The following NIBAN3 variants were observed in gnomAD, a reference collection of about 807,000 sequenced individuals.
The protein encoded by NIBAN3 is niban apoptosis regulator 3.
A neutral mutation model predicts 76.4 loss-of-function variants in NIBAN3; 66 were observed. The ratio of observed to expected loss-of-function variants is 0.86; its 90% CI spans 0.71 to 1.06. The LOEUF (loss-of-function observed/expected upper bound fraction) is 1.06. NIBAN3 is among the 50% of genes least tolerant of loss of function. The pLI is 0.00. For missense variants in NIBAN3, 808 were observed against 810.7 expected, an observed-to-expected ratio of 1.00 and a Z score of 0.04; for synonymous variants, 360 against 355.2, an observed-to-expected ratio of 1.01 and a Z score of -0.15.
At chr19:17,538,773 G>A (rs367793845) in intron 5 of NIBAN3, among the ~76,000 whole-genome samples, 1 of 150,148 alleles carries the variant, frequency 6.7e-6, no homozygotes, top group South Asian at 2.1e-4. Flanking sequence ...AGGGAGGGAG[G>A]GAAAGGAAGG....
At chr19:17,550,303 C>G (rs2076134109) in intron 14 of NIBAN3, among the ~76,000 whole-genome samples, 1 of 152,104 alleles carries the variant, frequency 6.6e-6, no homozygotes. Flanking sequence ...AATACACTTC[C>G]TAGCTGATCT....
chr19:17,533,418 A>G (rs1255431943), intron 3 of NIBAN3, 169 bp from the exon 4 acceptor site: 1 of 47,336 alleles, frequency 2.1e-5, no homozygotes, highest in African/African-American at 6.7e-4. Flanking sequence ...TCAAAAACAA[A>G]AAAAAAAAAA....
intron 1 of NIBAN3, among the ~76,000 whole-genome samples, chr19:17,529,646 G>C (rs1202485532): frequency 6.6e-6 from 1 of 152,156 alleles, no homozygotes; most frequent in African/African-American, 2.4e-5. Flanking sequence ...CTTTTGAAAA[G>C]CTCCCCAGGT....
downstream of NIBAN3, among the ~76,000 whole-genome samples, chr19:17,555,111 G>A (rs148683199): frequency 6.6e-6 from 1 of 152,180 alleles, no homozygotes; most frequent in Non-Finnish European, 1.5e-5. Flanking sequence ...ACCCTATAGG[G>A]TCTCTATGAT....
Position 17,542,345 on chromosome 19 carries a change from A to C in NIBAN3, c.1329+51A>C, listed in dbSNP as rs747255919. The C allele has an allele frequency of 6.5e-7, 1 of 1,531,610 alleles. No individual in the cohort carries two copies. Among genetic ancestry groups the C allele is most frequent in the Admixed American group, 2.0e-5 (1 of 49,686 alleles). 94.9% of individuals were successfully genotyped at this position (1,531,610 alleles called of 1,614,324 possible). On this transcript the variant is annotated intron_variant, in intron 10 of 14. Coordinates refer to ENST00000599164, the MANE Select transcript of NIBAN3 (RefSeq NM_001321827.2). The surrounding 1 kb of genome is among the most constrained non-coding windows in gnomAD (Gnocchi z 4.8). ...AGGCCAGGCTGTGAAGACAGCCTCCACTGACCTCCTGCTAAGTGTGCCCTG... is the reference window on the plus strand; with the variant it reads ...AGGCCAGGCTGTGAAGACAGCCTCCCCTGACCTCCTGCTAAGTGTGCCCTG...
intron 13 of NIBAN3, among the ~76,000 whole-genome samples, chr19:17,548,918 T>G (rs971152195): frequency 6.7e-6 from 1 of 149,664 alleles, no homozygotes; most frequent in Non-Finnish European, 1.5e-5. Context: ...AGAGCGAGAC[T>G]CCATCTCAAA....
chr19:17,540,723 GCA>G (rs1194061177), intron 9 of NIBAN3, 141 bp downstream of exon 9: 3 of 592,962 alleles, frequency 5.1e-6, no homozygotes, highest in Non-Finnish European at 7.7e-6. Context: ...GGTCAGTGGA[GCA>G]CAGTTTTTGT....
chr19:17,540,440 C>T lies in NIBAN3; in HGVS notation c.1028C>T (p.Pro343Leu). The change falls in exon 9 of 15, where the codon CCG (proline) becomes CTG (leucine). Residue 343 changes from proline (P) to leucine (L), a missense_variant. Transcript: ENST00000599164. ...TCGTGCCTGCGCCGGGAGGTGGACC[C>T]GCAGCTGCCCCGGGTCGTGCAGACC... ...LESCLRREVD[P>L]QLPRVVQTLL... 1.3e-6 allele frequency: 2 copies of T among 1,545,634 alleles called. No individual in the cohort carries two copies. Among genetic ancestry groups the T allele is most frequent in the East Asian group, 2.4e-5 (1 of 41,110 alleles).
chr19:17,527,229 T>G (rs1365303231), upstream of NIBAN3: 1 of 1,548,336 alleles, frequency 6.5e-7, no homozygotes, highest in South Asian at 1.2e-5. Flanking sequence ...GGGCGGGGCC[T>G]CTGAACCCAC....
In NIBAN3 at chr19:17,543,531, A is replaced by G. The variant is rs933036850; in HGVS notation, c.1454A>G (p.Lys485Arg). 2.5e-6 allele frequency: 4 copies of G among 1,613,992 alleles called. No individual in the cohort carries two copies. The highest frequency in any genetic ancestry group is 3.3e-5 in the Admixed American group (2 of 59,970). The change falls in exon 12 of 15, where the codon AAA becomes AGA. Residue 485 changes from lysine (K) to arginine (R), a missense_variant. Transcript: ENST00000599164. ...GCTGGGTGTGTTGTGCAGAAATTCA[A>G]ATCGGACAGCGGGTTGGCGCAGAGG... is the stretch of plus-strand genomic sequence containing the variant. ...RVRGRVLKKF[K>R]SDSGLAQRRF... is the part of the protein sequence containing the mutation.
intron 4 of NIBAN3, among the ~76,000 whole-genome samples, chr19:17,535,183 A>G (rs1455380295): frequency 6.6e-6 from 1 of 152,206 alleles, no homozygotes; most frequent in Non-Finnish European, 1.5e-5. Context: ...ATATGCCTGT[A>G]GTCCCAGGTA....
Position 17,539,183 on chromosome 19 carries a change from C to A in NIBAN3, c.629C>A (p.Ala210Asp), listed in dbSNP as rs1162036674. 3.7e-6 allele frequency: 6 copies of A among 1,603,876 alleles called. No individual in the cohort carries two copies. Among genetic ancestry groups the A allele is most frequent in the East Asian group, 2.3e-5 (1 of 44,438 alleles). The stretch of plus-strand genomic sequence containing the variant: ...CGAAGCCAGGCCCCTGCTGCCCGGG[C>A]CTTCCTGGACGCCGTCCGACTCTAC... Reference protein sequence around the residue: ...LQRSQAPAARAFLDAVRLYRQ... With the variant: ...LQRSQAPAARDFLDAVRLYRQ... The change falls in exon 6 of 15, where the codon GCC (alanine) becomes GAC (aspartate). Residue 210 changes from alanine (A) to aspartate (D), a missense_variant. Ala to Asp is a moderately radical substitution (Grantham distance 126). Coordinates refer to ENST00000599164, the MANE Select transcript of NIBAN3 (RefSeq NM_001321827.2).
downstream of NIBAN3, among the ~76,000 whole-genome samples, chr19:17,554,468 A>T (rs534329247): frequency 2.6e-5 from 4 of 151,604 alleles, no homozygotes; most frequent in Non-Finnish European, 5.9e-5. Flanking sequence ...AGCCTGAGCC[A>T]CAGAGTAAGA....
At position 17,552,014 on chromosome 19, in the gene NIBAN3, G is replaced by A. The variant is rs1479599978; in HGVS notation, c.*116G>A. On this transcript the variant is annotated 3_prime_UTR_variant, in exon 15 of 15. Transcript: ENST00000599164. The stretch of plus-strand genomic sequence containing the variant: ...GTAACCCCTGCAACTTCAGAAAACT[G>A]TACCATTTTATACTCCAAGCAGCAG... The A allele has an allele frequency of 3.6e-6, 2 of 551,872 alleles. No homozygotes were observed. The highest frequency in any genetic ancestry group is 3.4e-6 in the Non-Finnish European group (1 of 297,862). 34.2% of individuals were successfully genotyped at this position (551,872 alleles called of 1,614,324 possible). A position where few individuals can be genotyped will look rare whatever the true frequency, so the allele number is the denominator to read the frequency against.
intron 5 of NIBAN3, 102 bp downstream of exon 5, chr19:17,537,645 C>T: frequency 8.2e-7 from 1 of 1,217,264 alleles, no homozygotes; most frequent in South Asian, 1.6e-5. Flanking sequence ...ACTTTCTTTA[C>T]CCAGAAAATG....
intron 4 of NIBAN3, 82 bp downstream of exon 4, chr19:17,533,783 G>A: frequency 9.5e-7 from 1 of 1,052,872 alleles, no homozygotes; most frequent in East Asian, 2.4e-5. Context: ...CTCTGCGGTG[G>A]GGGCGTCCCG....
At chr19:17,547,198 C>CA (rs1475809235) in intron 13 of NIBAN3, among the ~76,000 whole-genome samples, 1 of 151,158 alleles carries the variant, frequency 6.6e-6, no homozygotes, top group Admixed American at 6.6e-5. Context: ...ACTAAAAATA[C>CA]AAAAAATTAG....
In NIBAN3 at chr19:17,549,508, A is replaced by C. The variant is rs752310322; in HGVS notation, c.1731A>C (p.Pro577=). ...SCTLDGCLEV[P]WEQEGADEET... ...CTCTGGACGGCTGCTTGGAGGTCCC[A>C]TGGGAACAGGAGGGAGCAGGTGGGG... The change falls in exon 14 of 15, where the codon CCA becomes CCC. Residue 577 remains proline (P), a synonymous_variant. Transcript: ENST00000599164. The C allele has an allele frequency of 5.0e-5, 80 of 1,613,608 alleles. No individual in the cohort carries two copies. The Admixed American group carries it at 1.3e-3, about 26-fold the overall frequency.
intron 5 of NIBAN3, among the ~76,000 whole-genome samples, chr19:17,538,758 AAGAG>A (rs1568451513): frequency 7.6e-5 from 11 of 143,854 alleles, no homozygotes; most frequent in Non-Finnish European, 1.4e-4. Flanking sequence ...GAAAGAAAGA[AAGAG>A]AGGGAGGGAG....
Sources: allele counts gnomAD v4.1 joint callset (sites outside exome capture counted in the v4.1 genomes callset), GRCh38; gene constraint gnomAD v4.1.1; non-coding constraint Gnocchi (gnomAD v3.1); transcripts MANE v1.5; gene names NCBI Gene and HGNC (gene_info 2026-07-23, HGNC 2026-07-21).